PRKCB: variants seen among roughly 807,000 people sequenced by gnomAD.
The protein encoded by PRKCB is protein kinase C beta, also known as protein kinase C beta type.
Under a neutral mutation model 81.5 loss-of-function variants are expected in PRKCB, and 13 were observed. The ratio of observed to expected loss-of-function variants is 0.16; its 90% CI spans 0.10 to 0.25. PRKCB has a LOEUF of 0.25. PRKCB is among the 10% of genes least tolerant of loss of function. The pLI, the probability that PRKCB is intolerant of heterozygous loss-of-function variation, is 1.00. For missense variants in PRKCB, 509 were observed against 875.7 expected, an observed-to-expected ratio of 0.58 and a Z score of 5.29; for synonymous variants, 335 against 321.4, an observed-to-expected ratio of 1.04 and a Z score of -0.45.
intron 10 of PRKCB, among the ~76,000 whole-genome samples, chr16:24,170,199 C>G (rs1423530671): frequency 6.6e-6 from 1 of 152,154 alleles, no homozygotes; most frequent in Non-Finnish European, 1.5e-5. Flanking sequence ...GTTCACTGCT[C>G]TATCCTCAGC....
intron 15 of PRKCB, among the ~76,000 whole-genome samples, chr16:24,189,884 A>C (rs1346369584): frequency 1.3e-5 from 2 of 152,174 alleles, no homozygotes; most frequent in African/African-American, 4.8e-5. Flanking sequence ...GGGCTTCTCA[A>C]TGTGATGTCA....
intron 2 of PRKCB, among the ~76,000 whole-genome samples, chr16:23,859,340 C>T (rs1962623870): frequency 6.6e-6 from 1 of 152,180 alleles, no homozygotes; most frequent in Non-Finnish European, 1.5e-5. Context: ...TGTGAGATCC[C>T]TCCTTTGTAT....
At chr16:24,099,106 A>G (rs1195186600) in intron 7 of PRKCB, 1 of 152,238 alleles carries the variant, frequency 6.6e-6, no homozygotes, top group Non-Finnish European at 1.5e-5. Context: ...TAATTATAAT[A>G]ACAATAGCTA....
At chr16:24,017,930 G>A (rs1252648763) in intron 3 of PRKCB, among the ~76,000 whole-genome samples, 2 of 131,430 alleles carry the variant, frequency 1.5e-5, no homozygotes, top group Admixed American at 8.8e-5. Context: ...ACAGAGTCTC[G>A]CTCTGTGGCC....
rs912939561 is a variant in PRKCB at position 24,110,254 on chromosome 16, C to T, written c.822-2719C>T. ...TGAGACGGTGTCTCGCTCTGTTGCC[C>T]AGGCTGGAGTGCAGTGGAGCAATCT... is the stretch of plus-strand genomic sequence containing the variant. On this transcript the variant is annotated intron_variant, in intron 7 of 16. Transcript: ENST00000643927. Among the ~76,000 whole-genome samples, 30 of 151,770 alleles carry T rather than the reference C, an allele frequency of 2.0e-4. 1 individual carries two copies. Among genetic ancestry groups the T allele is most frequent in the Non-Finnish European group, 4.4e-4 (30 of 67,980 alleles).
At chr16:24,197,743 G>T (rs1390827005) in intron 16 of PRKCB, among the ~76,000 whole-genome samples, 4 of 152,096 alleles carry the variant, frequency 2.6e-5, no homozygotes, top group Non-Finnish European at 4.4e-5. Context: ...CCCCAAGTTG[G>T]CATCCTCAGG....
intron 10 of PRKCB, among the ~76,000 whole-genome samples, chr16:24,171,491 A>G (rs1348339999): frequency 1.3e-5 from 2 of 152,114 alleles, no homozygotes; most frequent in African/African-American, 2.4e-5. Flanking sequence ...GGTCAGTCCT[A>G]TTCATTAGGG....
chr16:23,858,382 G>A (rs1201040145), intron 2 of PRKCB, among the ~76,000 whole-genome samples: 1 of 152,200 alleles, frequency 6.6e-6, no homozygotes, highest in Non-Finnish European at 1.5e-5. Context: ...CCCCGTAAGA[G>A]TGTGGCAGAA....
rs78946887 is a variant in PRKCB, at chr16:24,219,567, G to A, written c.*4751G>A. 675 of 994,286 alleles carry A rather than the reference G, an allele frequency of 6.8e-4. 6 individuals carry two copies. In the East Asian group the frequency reaches 0.034, roughly 51 times the overall value. The allele number at this position is 994,286 out of a possible 1,614,324, so 61.6% of individuals were successfully genotyped here. The stretch of plus-strand genomic sequence containing the variant: ...GCTACTGAATGGTTTTCTCCAGGAC[G>A]CTCTACCTAATGATTATTTCTATAA... On this transcript the variant is annotated 3_prime_UTR_variant, in exon 17 of 17. Transcript: ENST00000643927.
intron 15 of PRKCB, among the ~76,000 whole-genome samples, chr16:24,186,375 C>G (rs754002068): frequency 6.6e-6 from 1 of 152,202 alleles, no homozygotes; most frequent in Non-Finnish European, 1.5e-5. Context: ...CTCCATTTGG[C>G]TTGCAGACCA....
At chr16:23,900,105 G>T (rs1181484554) in intron 2 of PRKCB, among the ~76,000 whole-genome samples, 1 of 152,094 alleles carries the variant, frequency 6.6e-6, no homozygotes, top group East Asian at 1.9e-4. Context: ...GGGGTGGTGG[G>T]GGTTGCTACT....
rs1025884301 is a variant in PRKCB, at chr16:24,220,352, A to G, written c.*5536A>G. Reference sequence around the variant, plus strand: ...AGGTACAATTTTCCAAACTTCCAGAAACTCATCAAATGAACAGACAATGTC... The same window carrying G: ...AGGTACAATTTTCCAAACTTCCAGAGACTCATCAAATGAACAGACAATGTC... On this transcript the variant is annotated 3_prime_UTR_variant, in exon 17 of 17. Coordinates refer to ENST00000643927, the MANE Select transcript of PRKCB (RefSeq NM_002738.7). The G allele has an allele frequency of 1.0e-5, 4 of 390,962 alleles. No homozygotes were observed. The Admixed American group carries it at 1.7e-4, about 17-fold the overall frequency. The allele number at this position is 390,962 out of a possible 1,614,324, so 24.2% of individuals were successfully genotyped here. A position where few individuals can be genotyped will look rare whatever the true frequency, so the allele number is the denominator to read the frequency against.
At chr16:23,912,859 C>G (rs899727870) in intron 2 of PRKCB, among the ~76,000 whole-genome samples, 2 of 137,768 alleles carry the variant, frequency 1.5e-5, no homozygotes, top group African/African-American at 5.1e-5. Flanking sequence ...GAGTCATGCT[C>G]TGTTGCCTAG....
chr16:24,187,440 T>G (rs1206043966), intron 15 of PRKCB, among the ~76,000 whole-genome samples: 1 of 152,216 alleles, frequency 6.6e-6, no homozygotes, highest in African/African-American at 2.4e-5. Context: ...AGCTGAATAC[T>G]GTAAATCACT....
chr16:24,200,724 A>G (rs959276636), intron 16 of PRKCB, among the ~76,000 whole-genome samples: 1 of 152,050 alleles, frequency 6.6e-6, no homozygotes, highest in African/African-American at 2.4e-5. Context: ...CATGCAGGGG[A>G]AAGATACGGA....
intron 12 of PRKCB, among the ~76,000 whole-genome samples, chr16:24,180,118 T>C (rs1414496484): frequency 6.6e-6 from 1 of 152,160 alleles, no homozygotes; most frequent in African/African-American, 2.4e-5. Context: ...CTAATTTTTG[T>C]ATTTTTACTA....
intron 7 of PRKCB, among the ~76,000 whole-genome samples, chr16:24,096,663 AAAAATATATATATATAT>A (rs1418195968): frequency 0.024 from 1,216 of 49,654 alleles, 54 homozygotes; most frequent in Non-Finnish European, 0.037. Flanking sequence ...AAAAAAAAAA[AAAAATATATATATATAT>A]ATATATATAT....
intron 2 of PRKCB, among the ~76,000 whole-genome samples, chr16:23,986,894 A>G (rs1160364785): frequency 6.6e-6 from 1 of 152,198 alleles, no homozygotes; most frequent in Non-Finnish European, 1.5e-5. Flanking sequence ...CCACCTTGGC[A>G]TACTGAATTA....
intron 6 of PRKCB, 79 bp from the exon 7 acceptor site, chr16:24,094,084 G>T: frequency 6.8e-7 from 1 of 1,481,110 alleles, no homozygotes; most frequent in Non-Finnish European, 9.1e-7. Context: ...CTACCTCCAG[G>T]TCTTGTCCTC....
Sources: gnomAD v4.1 joint callset for allele counts (sites outside exome capture counted in the v4.1 genomes callset) on GRCh38, gnomAD v4.1.1 for gene constraint, MANE v1.5 for transcripts, NCBI Gene and HGNC (gene_info 2026-07-23, HGNC 2026-07-21) for gene names.